Variants in MSRA observed in about 807,000 individuals in gnomAD.
MSRA encodes methionine sulfoxide reductase A.
In MSRA, 54 loss-of-function variants were observed where a neutral mutation model predicts 31.3. The ratio of observed to expected loss-of-function variants is 1.73; its 90% CI spans 1.39 to 2.17. MSRA has a LOEUF of 2.17. Among genes scored for constraint, MSRA ranks in the 30% most tolerant of loss-of-function variants. MSRA has a pLI of 0.00. For synonymous variants in MSRA, 169 were observed against 116.5 expected (o/e 1.45, Z -2.90); for missense variants, 507 against 300.9 (o/e 1.69, Z -5.07).
At chr8:10,330,823 AAAG>A (rs1255854897) in intron 5 of MSRA, among the ~76,000 whole-genome samples, 7 of 152,198 alleles carry the variant, frequency 4.6e-5, no homozygotes, top group Admixed American at 3.3e-4. Context: ...TACAGCATAT[AAAG>A]AAGCCCGTTT....
At chr8:10,398,873 A>G (rs1422020489) in intron 5 of MSRA, among the ~76,000 whole-genome samples, 2 of 152,230 alleles carry the variant, frequency 1.3e-5, no homozygotes, top group African/African-American at 4.8e-5. Context: ...TGCTTTGAAA[A>G]TAGCATTAGG....
intron 1 of MSRA, among the ~76,000 whole-genome samples, chr8:10,187,048 G>T (rs933361387): frequency 1.3e-5 from 2 of 152,124 alleles, no homozygotes; most frequent in East Asian, 3.9e-4. Flanking sequence ...GACTTACTTT[G>T]AGCTTAACTG....
At chr8:10,382,047 C>G (rs149297600) in intron 5 of MSRA, among the ~76,000 whole-genome samples, 1 of 152,330 alleles carries the variant, frequency 6.6e-6, no homozygotes, top group Non-Finnish European at 1.5e-5. Flanking sequence ...GTTCTCCTGC[C>G]CAGTACAGGT....
At chr8:10,333,492 C>G (rs1032756962) in intron 5 of MSRA, among the ~76,000 whole-genome samples, 1 of 152,120 alleles carries the variant, frequency 6.6e-6, no homozygotes, top group Non-Finnish European at 1.5e-5. Flanking sequence ...GGGAGGTCCC[C>G]GATGACTTGG....
intron 1 of MSRA, among the ~76,000 whole-genome samples, chr8:10,133,687 A>G (rs1489137466): frequency 6.6e-6 from 1 of 152,212 alleles, no homozygotes; most frequent in African/African-American, 2.4e-5. Context: ...GCAAAGTACT[A>G]AGCATGTGGC....
intron 3 of MSRA, among the ~76,000 whole-genome samples, chr8:10,251,417 C>A (rs1041024967): frequency 6.6e-6 from 1 of 152,132 alleles, no homozygotes; most frequent in African/African-American, 2.4e-5. Context: ...TTATTGTACT[C>A]ATTTCAATGT....
intron 1 of MSRA, among the ~76,000 whole-genome samples, chr8:10,068,686 T>C (rs1585080182): frequency 6.6e-6 from 1 of 152,264 alleles, no homozygotes; most frequent in African/African-American, 2.4e-5. Flanking sequence ...GTCTTTTCTT[T>C]TGCTGATTGT....
At chr8:10,335,551 G>C (rs1395987152) in intron 5 of MSRA, among the ~76,000 whole-genome samples, 1 of 152,190 alleles carries the variant, frequency 6.6e-6, no homozygotes. Flanking sequence ...TGACCCCGTG[G>C]CCTAGTGAAC....
intron 2 of MSRA, among the ~76,000 whole-genome samples, chr8:10,218,348 G>T (rs932330645): frequency 6.6e-6 from 1 of 151,830 alleles, no homozygotes. Context: ...GTTTCACCAT[G>T]TTGCCAGGCT....
chr8:10,352,730 C>T (rs922656367), intron 5 of MSRA, among the ~76,000 whole-genome samples: 7 of 152,078 alleles, frequency 4.6e-5, no homozygotes, highest in Non-Finnish European at 1.0e-4. Flanking sequence ...TTCATTAACT[C>T]GAGGCCATCT....
rs1809353580 is a variant in MSRA, at chr8:10,428,657, T to C, written c.*345T>C. The C allele has an allele frequency of 7.1e-6, 2 of 283,316 alleles. No homozygotes were observed. Among genetic ancestry groups the C allele is most frequent in the South Asian group, 7.9e-5 (2 of 25,244 alleles). 17.6% of individuals were successfully genotyped at this position (283,316 alleles called of 1,614,324 possible). A position where few individuals can be genotyped will look rare whatever the true frequency, so the allele number is the denominator to read the frequency against. ...GATGGGGGACCCCAGAAGTCCTTTA[T>C]CTGTGCTCTCTGCCCGCCAGTGCCT... On this transcript the variant is annotated 3_prime_UTR_variant, in exon 6 of 6. Coordinates refer to ENST00000317173, the MANE Select transcript of MSRA (RefSeq NM_012331.5).
At chr8:10,348,220 C>G (rs2129156068) in intron 5 of MSRA, among the ~76,000 whole-genome samples, 1 of 152,216 alleles carries the variant, frequency 6.6e-6, no homozygotes, top group Non-Finnish European at 1.5e-5. Flanking sequence ...CTCAGCCCTT[C>G]CTTTTGTAGT....
At chr8:10,129,852 A>ATGG (rs1563129852) in intron 1 of MSRA, among the ~76,000 whole-genome samples, 2 of 151,880 alleles carry the variant, frequency 1.3e-5, no homozygotes, top group African/African-American at 4.8e-5. Flanking sequence ...CATTCAGCAA[A>ATGG]TAGTTCCATT....
At chr8:10,149,370 C>T (rs569172286) in intron 1 of MSRA, among the ~76,000 whole-genome samples, 61 of 152,192 alleles carry the variant, frequency 4.0e-4, no homozygotes, top group Non-Finnish European at 3.1e-4. Flanking sequence ...GTGATCCGCC[C>T]GCCTCGGCCT....
chr8:10,415,706 T>A (rs1808417558), intron 5 of MSRA, among the ~76,000 whole-genome samples: 2 of 151,944 alleles, frequency 1.3e-5, no homozygotes, highest in Admixed American at 1.3e-4. Flanking sequence ...TTGCCCTCCC[T>A]GCACTCTCCT....
intron 5 of MSRA, among the ~76,000 whole-genome samples, chr8:10,342,743 C>T (rs73195303): frequency 0.2 from 30,428 of 152,100 alleles, 3,206 homozygotes; most frequent in South Asian, 0.25. Flanking sequence ...GCTCACACAG[C>T]GTGGGTGCCA....
chr8:10,148,207 C>T (rs2129034893), intron 1 of MSRA, among the ~76,000 whole-genome samples: 1 of 152,216 alleles, frequency 6.6e-6, no homozygotes, highest in South Asian at 2.1e-4. Context: ...TGGGATGAAC[C>T]TTCTTAACTA....
At chr8:10,389,117 G>T (rs1216162983) in intron 5 of MSRA, among the ~76,000 whole-genome samples, 1 of 152,040 alleles carries the variant, frequency 6.6e-6, no homozygotes, top group Non-Finnish European at 1.5e-5. Flanking sequence ...GTAACCTCCG[G>T]CATGAATGGG....
At chr8:10,158,773 G>A (rs1256142154) in intron 1 of MSRA, among the ~76,000 whole-genome samples, 1 of 152,138 alleles carries the variant, frequency 6.6e-6, no homozygotes, top group Non-Finnish European at 1.5e-5. Flanking sequence ...GGGTCATATG[G>A]TGACTCTGCA....
Sources: gnomAD v4.1 joint callset for allele counts (sites outside exome capture counted in the v4.1 genomes callset) on GRCh38, gnomAD v4.1.1 for gene constraint, MANE v1.5 for transcripts, NCBI Gene and HGNC (gene_info 2026-07-23, HGNC 2026-07-21) for gene names.